Variants in ARHGEF7 observed in about 807,000 individuals in gnomAD.
ARHGEF7 encodes the protein PAK-interacting exchange factor beta.
In ARHGEF7, 33 loss-of-function variants were observed where a neutral mutation model predicts 109.8. The observed-to-expected ratio is 0.30, with a 90% confidence interval of 0.23 to 0.40. The LOEUF (loss-of-function observed/expected upper bound fraction) is 0.40. Among genes scored for constraint, ARHGEF7 ranks in the 10% least tolerant of loss-of-function variants. The pLI, the probability that ARHGEF7 is intolerant of heterozygous loss-of-function variation, is 1.00. For missense variants in ARHGEF7, 938 were observed against 1,098.5 expected (o/e 0.85, Z 2.07); for synonymous variants, 458 against 424.6 (o/e 1.08, Z -0.97).
At chr13:111,219,672 A>G (rs1031982151) in intron 5 of ARHGEF7, among the ~76,000 whole-genome samples, 1 of 151,980 alleles carries the variant, frequency 6.6e-6, no homozygotes, top group South Asian at 2.1e-4. Context: ...AGTAATAGCC[A>G]TCCTGTTGGA....
chr13:111,246,860 A>C (rs556786477), intron 8 of ARHGEF7, among the ~76,000 whole-genome samples: 1 of 152,350 alleles, frequency 6.6e-6, no homozygotes, highest in East Asian at 1.9e-4. Context: ...TTAAAAATAC[A>C]GTTTGCAGTA....
intron 2 of ARHGEF7, among the ~76,000 whole-genome samples, chr13:111,185,397 C>T (rs915030570): frequency 6.6e-6 from 1 of 152,216 alleles, no homozygotes; most frequent in African/African-American, 2.4e-5. Flanking sequence ...TTTAGCACTA[C>T]AGCGGGTTCT....
intron 4 of ARHGEF7, among the ~76,000 whole-genome samples, 156 bp from the exon 5 acceptor site, chr13:111,217,523 C>T (rs1414949672): frequency 1.3e-5 from 2 of 152,106 alleles, no homozygotes; most frequent in Non-Finnish European, 2.9e-5. Flanking sequence ...TGGTGGTGGT[C>T]ATGGGGCACT....
chr13:111,220,654 C>G, intron 5 of ARHGEF7, among the ~76,000 whole-genome samples: 1 of 152,216 alleles, frequency 6.6e-6, no homozygotes, highest in Admixed American at 6.5e-5. Context: ...CGTGAGCCCC[C>G]GCTTTTGAGT....
intron 1 of ARHGEF7, chr13:111,153,687 C>T: frequency 1.6e-6 from 2 of 1,272,864 alleles, no homozygotes; most frequent in Non-Finnish European, 9.9e-7. Context: ...CGGGAAGGGG[C>T]AGAGATTGGT....
intron 1 of ARHGEF7, among the ~76,000 whole-genome samples, chr13:111,124,377 A>C (rs545208973): frequency 6.6e-6 from 1 of 152,156 alleles, no homozygotes; most frequent in African/African-American, 2.4e-5. Flanking sequence ...AGAAGTCTGA[A>C]CCTGTTGGTC....
chr13:111,265,560 C>T (rs1030241553), intron 8 of ARHGEF7: 4 of 456,712 alleles, frequency 8.8e-6, no homozygotes, highest in African/African-American at 4.0e-5. Flanking sequence ...GAGGTGGAAC[C>T]GGGAAGTCCG....
intron 1 of ARHGEF7, chr13:111,116,431 G>C (rs573414172): frequency 4.6e-5 from 7 of 152,610 alleles, no homozygotes; most frequent in African/African-American, 1.7e-4. Flanking sequence ...CGAATCTCTG[G>C]AAGTGATTAA....
intron 1 of ARHGEF7, among the ~76,000 whole-genome samples, chr13:111,132,419 A>T (rs1297882716): frequency 6.6e-6 from 1 of 152,182 alleles, no homozygotes; most frequent in Non-Finnish European, 1.5e-5. Context: ...CACTGCCAAA[A>T]CTAGCTGCTC....
At chr13:111,253,197 A>G (rs2089995872) in intron 8 of ARHGEF7, among the ~76,000 whole-genome samples, 1 of 152,250 alleles carries the variant, frequency 6.6e-6, no homozygotes, top group Non-Finnish European at 1.5e-5. Context: ...TCCCTGTACT[A>G]CATGATTTAC....
At chr13:111,186,892 T>A (rs2079317857) in intron 2 of ARHGEF7, 3 of 985,382 alleles carry the variant, frequency 3.0e-6, no homozygotes, top group South Asian at 4.7e-5. Flanking sequence ...GACGACTACT[T>A]CTTTCCCCAT....
intron 1 of ARHGEF7, among the ~76,000 whole-genome samples, chr13:111,123,224 C>T (rs2067312777): frequency 6.6e-6 from 1 of 152,242 alleles, no homozygotes; most frequent in South Asian, 2.1e-4. Flanking sequence ...TGCACTCTCT[C>T]AGGCCCTGTG....
chr13:111,259,104 C>T (rs758077241), intron 8 of ARHGEF7, among the ~76,000 whole-genome samples: 9 of 152,268 alleles, frequency 5.9e-5, no homozygotes, highest in Non-Finnish European at 7.4e-5. Context: ...TTTCAGCTTC[C>T]GGGCTCTGGC....
chr13:111,175,910 A>G (rs1209336648), intron 2 of ARHGEF7, among the ~76,000 whole-genome samples: 2 of 152,216 alleles, frequency 1.3e-5, no homozygotes, highest in African/African-American at 2.4e-5. Flanking sequence ...CCTTCTTTAC[A>G]TGGCGGCAGG....
At chr13:111,300,165 G>A (rs886592976) in intron 19 of ARHGEF7, among the ~76,000 whole-genome samples, 5 of 152,072 alleles carry the variant, frequency 3.3e-5, no homozygotes, top group African/African-American at 1.2e-4. Context: ...TGACAGAAAT[G>A]TTCTGACATT....
At chr13:111,276,541 TC>T (rs2092493394) in intron 12 of ARHGEF7, among the ~76,000 whole-genome samples, 3 of 152,330 alleles carry the variant, frequency 2.0e-5, no homozygotes, top group Admixed American at 6.5e-5. Context: ...CAAAGTGTGT[TC>T]TTTATAATAT....
chr13:111,169,731 A>G (rs924261720), intron 2 of ARHGEF7, among the ~76,000 whole-genome samples: 1 of 152,136 alleles, frequency 6.6e-6, no homozygotes, highest in Non-Finnish European at 1.5e-5. Context: ...CTTACTGTAA[A>G]ATATATTTAT....
In ARHGEF7 at chr13:111,255,273, G is replaced by T. The variant is rs1455700170; in HGVS notation, c.950+10979G>T. On this transcript the variant is annotated intron_variant, in intron 8 of 21. Coordinates refer to ENST00000646102, the MANE Select transcript of ARHGEF7 (RefSeq NM_001354046.2). The surrounding 1 kb of genome is among the most constrained non-coding windows in gnomAD (Gnocchi z 4.1). ...CATTTCAGTTGGAGATGTCACAGGG[G>T]AGGGTGGAAGCGGATACTGGGAGCT... is the stretch of plus-strand genomic sequence containing the variant. Among the ~76,000 whole-genome samples the T allele has an allele frequency of 6.6e-6, 1 of 152,248 alleles. No individual in the cohort carries two copies. The highest frequency in any genetic ancestry group is 1.5e-5 in the Non-Finnish European group (1 of 68,044).
intron 2 of ARHGEF7, chr13:111,182,212 C>A (rs1390222741): frequency 6.6e-6 from 1 of 152,222 alleles, no homozygotes; most frequent in African/African-American, 2.4e-5. Context: ...ACGACAGGTC[C>A]CTGTTCGCCG....
Sources: allele counts gnomAD v4.1 joint callset (sites outside exome capture counted in the v4.1 genomes callset), GRCh38; gene constraint gnomAD v4.1.1; non-coding constraint Gnocchi (gnomAD v3.1); transcripts MANE v1.5; gene names NCBI Gene and HGNC (gene_info 2026-07-23, HGNC 2026-07-21).